Variants in RAB8B observed in about 807,000 individuals in gnomAD.
RAB8B encodes the protein ras-related protein Rab-8B.
In RAB8B, 11 loss-of-function variants were observed where a neutral mutation model predicts 32.0. The ratio of observed to expected loss-of-function variants is 0.34; its 90% confidence interval spans 0.22 to 0.57. The LOEUF is 0.57. Among genes scored for constraint, RAB8B ranks in the 20% least tolerant of loss-of-function variants. The pLI is 0.86. For synonymous variants in RAB8B, 103 were observed against 89.6 expected (o/e 1.15, Z -0.85); for missense variants, 190 against 258.5 (o/e 0.73, Z 1.82).
chr15:63,196,222 T>TA (rs2037598813), intron 1 of RAB8B, among the ~76,000 whole-genome samples: 1 of 152,186 alleles, frequency 6.6e-6, no homozygotes, highest in African/African-American at 2.4e-5. Flanking sequence ...GTCTGTGGGC[T>TA]AGATGAGGCC....
At chr15:63,212,150 T>G (rs1266804565) in intron 1 of RAB8B, among the ~76,000 whole-genome samples, 1 of 152,164 alleles carries the variant, frequency 6.6e-6, no homozygotes, top group Non-Finnish European at 1.5e-5. Context: ...CCCATCTTCC[T>G]ACACAGTGCG....
rs1321221620 is a variant in RAB8B, at chr15:63,264,522, T to G, written c.*903T>G. ...AACTGTGATTCTGTCAATAAGGATA[T>G]GTAATATATTTTTTCTTAGGTTCAC... is the stretch of plus-strand genomic sequence containing the variant. On this transcript the variant is annotated 3_prime_UTR_variant, in exon 8 of 8. Transcript: ENST00000321437. 1 of 152,228 alleles carries G rather than the reference T, an allele frequency of 6.6e-6. No individual in the cohort carries two copies. The highest frequency in any genetic ancestry group is 1.5e-5 in the Non-Finnish European group (1 of 68,040). 9.4% of individuals were successfully genotyped at this position (152,228 alleles called of 1,614,324 possible).
intron 1 of RAB8B, among the ~76,000 whole-genome samples, chr15:63,190,774 C>G (rs570504931): frequency 1.3e-5 from 2 of 152,190 alleles, no homozygotes; most frequent in Non-Finnish European, 2.9e-5. Flanking sequence ...TTAAATCCTT[C>G]GGTTTGAATG....
At chr15:63,253,000 G>A (rs962324843) in intron 3 of RAB8B, among the ~76,000 whole-genome samples, 6 of 152,100 alleles carry the variant, frequency 3.9e-5, no homozygotes, top group African/African-American at 9.7e-5. Flanking sequence ...CACCTGCCTC[G>A]GCCTCCCAAA....
intron 1 of RAB8B, among the ~76,000 whole-genome samples, chr15:63,192,851 T>C (rs1323100026): frequency 6.6e-6 from 1 of 152,174 alleles, no homozygotes; most frequent in Middle Eastern, 3.2e-3. Flanking sequence ...CCCAGCACTT[T>C]GGGAGACTGA....
intron 1 of RAB8B, among the ~76,000 whole-genome samples, chr15:63,211,899 A>G (rs1247004185): frequency 6.6e-6 from 1 of 152,076 alleles, no homozygotes; most frequent in Non-Finnish European, 1.5e-5. Context: ...TGGCGCAATC[A>G]TGGCTCACTG....
chr15:63,253,313 T>C (rs918236245), intron 3 of RAB8B, among the ~76,000 whole-genome samples: 4 of 152,350 alleles, frequency 2.6e-5, no homozygotes, highest in South Asian at 4.1e-4. Context: ...ATTCTTTGTC[T>C]ATGTGTATAT....
intron 1 of RAB8B, among the ~76,000 whole-genome samples, chr15:63,212,929 G>T (rs2588864): frequency 0.96 from 146,076 of 152,338 alleles, 70,078 homozygotes; most frequent in East Asian, 1. Flanking sequence ...TTTCAGAATA[G>T]AATTAAAAGC....
chr15:63,245,326 A>G (rs2038062522), intron 2 of RAB8B, among the ~76,000 whole-genome samples: 1 of 152,100 alleles, frequency 6.6e-6, no homozygotes, highest in Non-Finnish European at 1.5e-5. Flanking sequence ...ATATTTTATG[A>G]TTTATTTGCA....
At position 63,267,092 on chromosome 15, in the gene RAB8B, A is replaced by C. The variant is rs1158790493; in HGVS notation, c.*3473A>C. 6.6e-6 allele frequency: 1 copy of C among 152,592 alleles called. No individual in the cohort carries two copies. The highest frequency in any genetic ancestry group is 2.4e-5 in the African/African-American group (1 of 41,444). 9.5% of individuals were successfully genotyped at this position (152,592 alleles called of 1,614,324 possible). ...AGGGGTGGGTGGAAAGGAATGTCTA[A>C]AAATGAAATCCCTTGATATAGAGGG... On this transcript the variant is annotated 3_prime_UTR_variant, in exon 8 of 8. Transcript: ENST00000321437.
intron 1 of RAB8B, among the ~76,000 whole-genome samples, chr15:63,206,109 T>G (rs1473019610): frequency 6.6e-6 from 1 of 152,226 alleles, no homozygotes. Flanking sequence ...AGTAGTGATA[T>G]CTCTTTTATT....
intron 1 of RAB8B, among the ~76,000 whole-genome samples, chr15:63,237,910 A>C (rs948986896): frequency 6.6e-6 from 1 of 152,060 alleles, no homozygotes; most frequent in African/African-American, 2.4e-5. Flanking sequence ...TGATTTTTGT[A>C]TATGGCAAGA....
At chr15:63,245,879 AT>A (rs199584764) in intron 2 of RAB8B, among the ~76,000 whole-genome samples, 2 of 150,858 alleles carry the variant, frequency 1.3e-5, no homozygotes, top group Admixed American at 6.6e-5. Context: ...ATTTTAATAA[AT>A]TTTTTTTTTG....
At chr15:63,263,450 T>C (rs2038218168) in intron 7 of RAB8B, 77 bp from the exon 8 acceptor site, 2 of 1,091,066 alleles carry the variant, frequency 1.8e-6, no homozygotes, top group Non-Finnish European at 2.8e-6. Flanking sequence ...TATGGTTAGT[T>C]ATTTTTATTT....
intron 1 of RAB8B, among the ~76,000 whole-genome samples, chr15:63,214,154 C>T (rs934416175): frequency 6.6e-6 from 1 of 152,018 alleles, no homozygotes; most frequent in East Asian, 1.9e-4. Context: ...TTTAAAAATT[C>T]TGATTGGCTA....
At chr15:63,219,915 A>G (rs546447963) in intron 1 of RAB8B, among the ~76,000 whole-genome samples, 1 of 152,222 alleles carries the variant, frequency 6.6e-6, no homozygotes, top group African/African-American at 2.4e-5. Context: ...TACTCTTTCT[A>G]CATGGACTCT....
chr15:63,215,493 G>T (rs1178675933), intron 1 of RAB8B, among the ~76,000 whole-genome samples: 1 of 152,042 alleles, frequency 6.6e-6, no homozygotes, highest in East Asian at 1.9e-4. Flanking sequence ...TTTCTTTTTA[G>T]TCTTCGAAGG....
intron 1 of RAB8B, among the ~76,000 whole-genome samples, chr15:63,211,830 G>A (rs1453597356): frequency 6.6e-6 from 1 of 151,986 alleles, no homozygotes; most frequent in African/African-American, 2.4e-5. Flanking sequence ...GAAGAGCCCT[G>A]TGTTTTTTTC....
chr15:63,193,727 C>T (rs1425146434), intron 1 of RAB8B, among the ~76,000 whole-genome samples: 1 of 152,018 alleles, frequency 6.6e-6, no homozygotes, highest in Non-Finnish European at 1.5e-5. Context: ...AGGAGAATGG[C>T]GTGAACCTGG....
Sources: gnomAD v4.1 joint callset for allele counts (sites outside exome capture counted in the v4.1 genomes callset) on GRCh38, gnomAD v4.1.1 for gene constraint, MANE v1.5 for transcripts, NCBI Gene and HGNC (gene_info 2026-07-23, HGNC 2026-07-21) for gene names.